MTHFSD: variants seen among roughly 807,000 people sequenced by gnomAD.
The protein encoded by MTHFSD is methenyltetrahydrofolate synthetase domain containing.
MTHFSD carries 37 observed loss-of-function variants against 31.1 expected under a neutral mutation model. The observed-to-expected ratio is 1.19, with a 90% confidence interval of 0.91 to 1.56. MTHFSD has a LOEUF of 1.56. MTHFSD is among the 40% of genes most tolerant of loss of function. The probability of loss-of-function intolerance (pLI) is 0.00; values close to 1 mark genes in which losing one functional copy is unlikely to be tolerated. For synonymous variants in MTHFSD, 221 were observed against 206.9 expected (o/e 1.07, Z -0.59); for missense variants, 664 against 510.1 (o/e 1.30, Z -2.91).
chr16:86,536,893 C>T (rs1049987250), intron 7 of MTHFSD, among the ~76,000 whole-genome samples: 2 of 152,242 alleles, frequency 1.3e-5, no homozygotes, highest in East Asian at 1.9e-4. Context: ...CGTGGTTCCC[C>T]TCACGCAGAC....
At chr16:86,539,982 A>G (rs1314933007) in intron 7 of MTHFSD, among the ~76,000 whole-genome samples, 2 of 152,236 alleles carry the variant, frequency 1.3e-5, no homozygotes, top group African/African-American at 4.8e-5. Context: ...AATATTTGCC[A>G]AAGTCAATTT....
intron 7 of MTHFSD, among the ~76,000 whole-genome samples, chr16:86,538,488 G>T (rs1971026708): frequency 6.6e-6 from 1 of 152,212 alleles, no homozygotes; most frequent in African/African-American, 2.4e-5. Context: ...GAGCTGGCTG[G>T]GACTCTGCAT....
chr16:86,553,922 G>A (rs1364323597), intron 2 of MTHFSD, among the ~76,000 whole-genome samples: 4 of 152,172 alleles, frequency 2.6e-5, no homozygotes, highest in East Asian at 1.9e-4. Flanking sequence ...GCACCAATGG[G>A]CACTCTGTAT....
chr16:86,535,255 G>A (rs888771554), intron 7 of MTHFSD: 11 of 985,308 alleles, frequency 1.1e-5, no homozygotes, highest in Non-Finnish European at 1.3e-5. Flanking sequence ...CAGGAAAATC[G>A]CTCTTTTCAT....
chr16:86,553,089 C>T (rs967540446), intron 2 of MTHFSD, among the ~76,000 whole-genome samples: 1 of 152,172 alleles, frequency 6.6e-6, no homozygotes, highest in Non-Finnish European at 1.5e-5. Flanking sequence ...GCTGGCAAGG[C>T]ATTCATTTCT....
Position 86,551,328 on chromosome 16 carries a change from C to A in MTHFSD, c.237+705G>T, listed in dbSNP as rs369264813. On this transcript the variant is annotated intron_variant, in intron 3 of 7. Coordinates refer to ENST00000360900, the MANE Select transcript of MTHFSD (RefSeq NM_001159377.2). The stretch of plus-strand genomic sequence containing the variant: ...TGAGGAACAAGTGCTCTAACCGATA[C>A]CTTTTGAGGGTACATCAGACTTCTT... Among the ~76,000 whole-genome samples the A allele has an allele frequency of 8.5e-5, 13 of 152,232 alleles. 1 individual carries two copies. Among genetic ancestry groups the A allele is most frequent in the East Asian group, 3.9e-4 (2 of 5,172 alleles).
chr16:86,552,191 G>T, intron 2 of MTHFSD, 45 bp from the exon 3 acceptor site: 1 of 1,614,066 alleles, frequency 6.2e-7, no homozygotes, highest in Middle Eastern at 1.6e-4. Context: ...CAAGGACGAA[G>T]AAGCGAGCAC....
At position 86,554,656 on chromosome 16, in the gene MTHFSD, G is replaced by C; in HGVS notation, c.112C>G (p.Pro38Ala). 6.2e-7 allele frequency: 1 copy of C among 1,613,302 alleles called. No individual in the cohort carries two copies. The change falls in exon 2 of 8, where the codon CCC becomes GCC. Residue 38 changes from proline (P) to alanine (A), a missense_variant. By Grantham distance (27) the Pro-to-Ala change is conservative (BLOSUM62 -1). Transcript: ENST00000360900. Reference sequence around the variant, plus strand: ...AAATATGTCAGTACCTTAAAGTTGGGTATCCTGTGATGAACAGGTCGGGGA... The same window carrying C: ...AAATATGTCAGTACCTTAAAGTTGGCTATCCTGTGATGAACAGGTCGGGGA... ...DFPRPVHHRI[P>A]NFKGSYLACQ...
chr16:86,548,115 A>G, intron 4 of MTHFSD: 1 of 1,296,004 alleles, frequency 7.7e-7, no homozygotes. Flanking sequence ...GTGGCACCTG[A>G]TGAACAGGCC....
intron 7 of MTHFSD, among the ~76,000 whole-genome samples, chr16:86,538,085 G>C (rs1276981331): frequency 6.6e-6 from 1 of 152,268 alleles, no homozygotes; most frequent in African/African-American, 2.4e-5. Flanking sequence ...CCACAGGCTT[G>C]TGGGTGCCCG....
chr16:86,545,564 C>T (rs1006557619), intron 5 of MTHFSD, among the ~76,000 whole-genome samples: 6 of 152,104 alleles, frequency 3.9e-5, no homozygotes, highest in Admixed American at 6.5e-5. Context: ...CCTGAGGACC[C>T]TTCAGTCCCC....
chr16:86,541,017 T>G, intron 7 of MTHFSD: 1 of 1,174,338 alleles, frequency 8.5e-7, no homozygotes, highest in Non-Finnish European at 1.1e-6. Flanking sequence ...GATTTGGGAT[T>G]AAAGAATGGG....
rs747280543 is a variant in MTHFSD, at chr16:86,554,691, A to G, written c.77T>C (p.Leu26Ser). 6.1e-5 allele frequency: 98 copies of G among 1,614,102 alleles called. No individual in the cohort carries two copies. Among genetic ancestry groups the G allele is most frequent in the Non-Finnish European group, 7.3e-5 (86 of 1,180,034 alleles). ...QIWGYMESQN[L>S]ADFPRPVHHR... ...ATGAACAGGTCGGGGAAAGTCAGCT[A>G]AATTTTGTGATTCCATGTAGCCCCA... The change falls in exon 2 of 8, where the codon TTA becomes TCA. Residue 26 changes from leucine (L) to serine (S), a missense_variant. By Grantham distance (145) the Leu-to-Ser change is moderately radical. Transcript: ENST00000360900.
intron 7 of MTHFSD, chr16:86,535,618 T>C: frequency 1.6e-6 from 1 of 608,766 alleles, no homozygotes; most frequent in Non-Finnish European, 2.1e-6. Flanking sequence ...TAGAATAAAC[T>C]TTAAGTTTAA....
rs1474299968 is a variant in MTHFSD, at chr16:86,530,720, G to C, written c.*1291C>G. On this transcript the variant is annotated 3_prime_UTR_variant, in exon 8 of 8. Coordinates refer to ENST00000360900, the MANE Select transcript of MTHFSD (RefSeq NM_001159377.2). ...GTAACCAGGTGACTACTCTGAACTG[G>C]GGACTGAGTCAGCCTCTGACGCTGA... 1.3e-5 allele frequency: 2 copies of C among 152,244 alleles called. No individual in the cohort carries two copies. The highest frequency in any genetic ancestry group is 6.5e-5 in the Admixed American group (1 of 15,288). The allele number at this position is 152,244 out of a possible 1,614,324, so 9.4% of individuals were successfully genotyped here. A position where few individuals can be genotyped will look rare whatever the true frequency, so the allele number is the denominator to read the frequency against.
chr16:86,541,693 C>T lies in MTHFSD; in HGVS notation c.681+4G>A. 6.2e-7 allele frequency: 1 copy of T among 1,612,476 alleles called. No individual in the cohort carries two copies. The highest frequency in any genetic ancestry group is 8.5e-7 in the Non-Finnish European group (1 of 1,179,368). ...GGCCAGAGCTGGCCACTGCCGTGAC[C>T]CACCTTGAACCAGGTGATTCCCATT... On this transcript the variant is annotated splice_donor_region_variant and intron_variant, in intron 7 of 7. Transcript: ENST00000360900.
chr16:86,532,141 G>A lies in MTHFSD; in HGVS notation c.1022C>T (p.Pro341Leu), dbSNP rs199909137. ...GTAATGGAGGAAGGCTCTGCGCCGC[G>A]GGCCCTGCCAGGTGAGCCGCAGGGG... ...SVPLRLTWQGPRRRAFLHYPD... is the reference protein window; with the variant it reads ...SVPLRLTWQGLRRRAFLHYPD... Residue 341 changes from proline (P) to leucine (L), a missense_variant, in exon 8 of 8, where the codon CCG (proline) becomes CTG (leucine). Transcript: ENST00000360900. 274 of 1,559,740 alleles carry A rather than the reference G, an allele frequency of 1.8e-4. 2 individuals are homozygous for A. The African/African-American group carries it at 3.2e-3, about 18-fold the overall frequency.
rs1038708324 is a variant in MTHFSD at position 86,552,370 on chromosome 16, G to T, written c.124-224C>A. The T allele has an allele frequency of 3.6e-5, 46 of 1,266,556 alleles. 1 individual carries two copies. In the South Asian group the frequency reaches 6.5e-4, roughly 18 times the overall value. 78.5% of individuals were successfully genotyped at this position (1,266,556 alleles called of 1,614,324 possible). A position where few individuals can be genotyped will look rare whatever the true frequency, so the allele number is the denominator to read the frequency against. The stretch of plus-strand genomic sequence containing the variant: ...ACTGCAGCCCAAGCAGCTCGGCCCA[G>T]AATCTCACCCAGACAGGCACTAACA... On this transcript the variant is annotated intron_variant, in intron 2 of 7. Transcript: ENST00000360900.
intron 7 of MTHFSD, 58 bp from the exon 8 acceptor site, chr16:86,532,539 C>T: frequency 7.9e-7 from 1 of 1,260,664 alleles, no homozygotes; most frequent in Non-Finnish European, 1.0e-6. Context: ...GCACCTGCCA[C>T]ACACGCATCC....
Sources: allele counts gnomAD v4.1 joint callset (sites outside exome capture counted in the v4.1 genomes callset), GRCh38; gene constraint gnomAD v4.1.1; transcripts MANE v1.5; gene names NCBI Gene and HGNC (gene_info 2026-07-23, HGNC 2026-07-21).